The following TNFRSF9 variants were observed in gnomAD, a reference collection of about 807,000 sequenced individuals.
TNFRSF9 encodes TNF receptor superfamily member 9, also known as tumor necrosis factor receptor superfamily member 9.
TNFRSF9 carries 16 observed loss-of-function variants against 28.8 expected under a neutral mutation model. That is an observed-to-expected ratio of 0.55 (90% CI 0.38 to 0.84). The LOEUF (loss-of-function observed/expected upper bound fraction) is 0.84. Ranked by LOEUF, TNFRSF9 falls within the 40% of genes least tolerant of loss-of-function variation. TNFRSF9 has a pLI of 0.00. For synonymous variants in TNFRSF9, 131 were observed against 117.0 expected (o/e 1.12, Z -0.77); for missense variants, 303 against 315.0 (o/e 0.96, Z 0.29).
Position 7,917,709 on chromosome 1 carries a change from C to T in TNFRSF9, c.*3126G>A, listed in dbSNP as rs1639499298. 6.6e-6 allele frequency: 1 copy of T among 151,850 alleles called. No homozygotes were observed. The highest frequency in any genetic ancestry group is 2.1e-4 in the South Asian group (1 of 4,804). 9.4% of individuals were successfully genotyped at this position (151,850 alleles called of 1,614,324 possible). On this transcript the variant is annotated 3_prime_UTR_variant, in exon 8 of 8. Coordinates refer to ENST00000377507, the MANE Select transcript of TNFRSF9 (RefSeq NM_001561.6). Reference sequence around the variant, plus strand: ...AAATTTAACCAAATCAAATGAAGAACTTTTTGCTTATTACCAGAAAGACAA... The same window carrying T: ...AAATTTAACCAAATCAAATGAAGAATTTTTTGCTTATTACCAGAAAGACAA...
At chr1:7,932,980 G>T in intron 7 of TNFRSF9, 182 bp downstream of exon 7, 1 of 658,334 alleles carries the variant, frequency 1.5e-6, no homozygotes, top group Non-Finnish European at 2.5e-6. Flanking sequence ...TCACCACCGA[G>T]CGGTGAACAC....
chr1:7,939,917 A>T lies in TNFRSF9; in HGVS notation c.78T>A (p.Asp26Glu), dbSNP rs914264787. 6.2e-7 allele frequency: 1 copy of T among 1,602,562 alleles called. No individual in the cohort carries two copies. Among genetic ancestry groups the T allele is most frequent in the Non-Finnish European group, 8.5e-7 (1 of 1,170,688 alleles). The change falls in exon 2 of 8, where the codon GAT becomes GAA. Residue 26 changes from aspartate to glutamate, a missense_variant. By Grantham distance (45) the Asp-to-Glu change is conservative (BLOSUM62 2). Transcript: ENST00000377507. The stretch of plus-strand genomic sequence containing the variant: ...CACCAGCTGGGCAGTTACTACAAGG[A>T]TCCTGCAATGATCTTGTCCTCTCAA... ...LNFERTRSLQ[D>E]PCSNCPAGTF...
In TNFRSF9 at chr1:7,939,923, C is replaced by T. The variant is rs1253200565; in HGVS notation, c.72G>A (p.Leu24=). Residue 24 remains leucine, a synonymous_variant, in exon 2 of 8, where the codon TTG becomes TTA. Coordinates refer to ENST00000377507, the MANE Select transcript of TNFRSF9 (RefSeq NM_001561.6). ...CTGGGCAGTTACTACAAGGATCCTGCAATGATCTTGTCCTCTCAAAGTTGA... is the reference window on the plus strand; with the variant it reads ...CTGGGCAGTTACTACAAGGATCCTGTAATGATCTTGTCCTCTCAAAGTTGA... ...LVLNFERTRS[L]QDPCSNCPAG... 6.2e-7 allele frequency: 1 copy of T among 1,604,488 alleles called. No homozygotes were observed. The highest frequency in any genetic ancestry group is 8.5e-7 in the Non-Finnish European group (1 of 1,172,296).
At chr1:7,922,161 C>T (rs1639569858) in intron 7 of TNFRSF9, 1 of 152,210 alleles carries the variant, frequency 6.6e-6, no homozygotes, top group Non-Finnish European at 1.5e-5. Context: ...AAAAGTCCTA[C>T]CCCGATTTCA....
intron 5 of TNFRSF9, among the ~76,000 whole-genome samples, chr1:7,936,180 C>A (rs1223873933): frequency 6.6e-6 from 1 of 152,122 alleles, no homozygotes; most frequent in African/African-American, 2.4e-5. Flanking sequence ...CTTTGGGAGG[C>A]CAAGGCAAGC....
At chr1:7,925,188 G>A (rs1409465950) in intron 7 of TNFRSF9, among the ~76,000 whole-genome samples, 1 of 151,784 alleles carries the variant, frequency 6.6e-6, no homozygotes, top group South Asian at 2.1e-4. Flanking sequence ...GCTGCCTGTA[G>A]TCCCAGCTAC....
At chr1:7,931,193 A>G (rs1014459758) in intron 7 of TNFRSF9, among the ~76,000 whole-genome samples, 1 of 152,248 alleles carries the variant, frequency 6.6e-6, no homozygotes, top group Non-Finnish European at 1.5e-5. Context: ...GGGTCCAATC[A>G]TTTAGGAAAA....
At chr1:7,937,283 C>A (rs1639829831) in intron 5 of TNFRSF9, among the ~76,000 whole-genome samples, 2 of 152,204 alleles carry the variant, frequency 1.3e-5, no homozygotes, top group Admixed American at 1.3e-4. Context: ...CCTGCCTCAT[C>A]AGCCTTCCCT....
intron 7 of TNFRSF9, among the ~76,000 whole-genome samples, chr1:7,923,244 A>G (rs1639588707): frequency 6.6e-6 from 1 of 152,168 alleles, no homozygotes; most frequent in Non-Finnish European, 1.5e-5. Flanking sequence ...ACAAAACACC[A>G]CAAAAAACAC....
At chr1:7,930,307 G>A (rs2131630) in intron 7 of TNFRSF9, among the ~76,000 whole-genome samples, 62,079 of 151,892 alleles carry the variant, frequency 0.41, 13,675 homozygotes, top group South Asian at 0.63. Flanking sequence ...AACCCGGGTC[G>A]TGATGGCGAG....
chr1:7,939,975 T>C lies in TNFRSF9; in HGVS notation c.20A>G (p.Asn7Ser), dbSNP rs764389515. 3.8e-6 allele frequency: 6 copies of C among 1,597,148 alleles called. No individual in the cohort carries two copies. The East Asian group carries it at 1.1e-4, about 30-fold the overall frequency. Residue 7 changes from asparagine (N) to serine (S), a missense_variant, in exon 2 of 8, where the codon AAC becomes AGC. Physicochemically the swap from Asn to Ser is conservative, Grantham distance 46. Transcript: ENST00000377507. ...GACCAGCAACAGAGTGGCTACTATGTTGTAACAGCTGTTTCCCATGATGAA... is the reference window on the plus strand; with the variant it reads ...GACCAGCAACAGAGTGGCTACTATGCTGTAACAGCTGTTTCCCATGATGAA... The part of the protein sequence containing the change: MGNSCY[N>S]IVATLLLVLN...
At chr1:7,929,152 T>C (rs866818960) in intron 7 of TNFRSF9, among the ~76,000 whole-genome samples, 5 of 61,408 alleles carry the variant, frequency 8.1e-5, no homozygotes, top group African/African-American at 1.9e-4. Context: ...CTTTTTTTTC[T>C]TTTTCCTTTT....
In TNFRSF9 at chr1:7,933,225, G is replaced by A. The variant is rs375383780; in HGVS notation, c.616C>T (p.Leu206Phe). Residue 206 changes from leucine (L) to phenylalanine (F), a missense_variant, in exon 7 of 8, where the codon CTC (leucine) becomes TTC (phenylalanine). By Grantham distance (22) the Leu-to-Phe change is conservative. Transcript: ENST00000377507. ...TTAACAACAGAGAAACGGAGCGTGA[G>A]GAAGAACAGCAGGAAGAGCAACGCA... ...STALLFLLFF[L>F]TLRFSVVKRG... is the part of the protein sequence containing the mutation. 3 of 1,613,970 alleles carry A rather than the reference G, an allele frequency of 1.9e-6. No homozygotes were observed. The South Asian group carries it at 3.3e-5, about 18-fold the overall frequency.
chr1:7,925,203 G>A (rs1639630357), intron 7 of TNFRSF9, among the ~76,000 whole-genome samples: 1 of 151,978 alleles, frequency 6.6e-6, no homozygotes, highest in Admixed American at 6.6e-5. Flanking sequence ...AGCTACTTGG[G>A]GGGCTGAGGC....
chr1:7,931,903 G>A (rs1639736007), intron 7 of TNFRSF9, among the ~76,000 whole-genome samples: 1 of 152,224 alleles, frequency 6.6e-6, no homozygotes, highest in South Asian at 2.1e-4. Flanking sequence ...CAACACTTTG[G>A]GAGGCTGAGG....
In TNFRSF9 at chr1:7,916,674, A is replaced by G. The variant is rs146033667; in HGVS notation, c.*4161T>C. 1 of 152,290 alleles carries G rather than the reference A, an allele frequency of 6.6e-6. No individual in the cohort carries two copies. Among genetic ancestry groups the G allele is most frequent in the Non-Finnish European group, 1.5e-5 (1 of 68,028 alleles). 9.4% of individuals were successfully genotyped at this position (152,290 alleles called of 1,614,324 possible). On this transcript the variant is annotated 3_prime_UTR_variant, in exon 8 of 8. Transcript: ENST00000377507. ...CATCATGATTCAGAAAGACAAAAAT[A>G]TTCGCACCTAGCTTTGTTCCTGAAA...
At chr1:7,938,531 T>C (rs1639855309) in intron 3 of TNFRSF9, among the ~76,000 whole-genome samples, 190 bp downstream of exon 3, 1 of 152,250 alleles carries the variant, frequency 6.6e-6, no homozygotes, top group African/African-American at 2.4e-5. Flanking sequence ...GAATGTTTCC[T>C]CTAATATTTA....
At chr1:7,922,429 A>T (rs1003207380) in intron 7 of TNFRSF9, among the ~76,000 whole-genome samples, 1 of 152,184 alleles carries the variant, frequency 6.6e-6, no homozygotes, top group Non-Finnish European at 1.5e-5. Flanking sequence ...CAACATGGCA[A>T]TGGGTTTCTT....
chr1:7,939,319 C>CAA (rs34622301), intron 2 of TNFRSF9, among the ~76,000 whole-genome samples: 37 of 103,964 alleles, frequency 3.6e-4, no homozygotes, highest in African/African-American at 1.2e-3. Flanking sequence ...GACTGTGTCT[C>CAA]AAAAAAAAAA....
Sources: allele counts gnomAD v4.1 joint callset (sites outside exome capture counted in the v4.1 genomes callset), GRCh38; gene constraint gnomAD v4.1.1; transcripts MANE v1.5; gene names NCBI Gene and HGNC (gene_info 2026-07-23, HGNC 2026-07-21).